The following PLPPR1 variants were observed in gnomAD, a reference collection of about 807,000 sequenced individuals.
PLPPR1 encodes phospholipid phosphatase-related protein type 1.
PLPPR1 carries 10 observed loss-of-function variants against 33.1 expected under a neutral mutation model. That is an observed-to-expected ratio of 0.30 (90% CI 0.19 to 0.51). PLPPR1 has a LOEUF of 0.51. Ranked by LOEUF, PLPPR1 falls within the 20% of genes least tolerant of loss-of-function variation. The probability of loss-of-function intolerance (pLI) is 0.97; values close to 1 mark genes in which losing one functional copy is unlikely to be tolerated. For missense variants in PLPPR1, 304 were observed against 408.1 expected (o/e 0.74, Z 2.20); for synonymous variants, 151 against 151.0 (o/e 1.00, Z 0.00).
At chr9:101,270,622 A>G (rs980563997) in intron 3 of PLPPR1, among the ~76,000 whole-genome samples, 1 of 152,142 alleles carries the variant, frequency 6.6e-6, no homozygotes, top group Non-Finnish European at 1.5e-5. Context: ...TTGCAACTTT[A>G]CCTTCATATA....
chr9:101,042,926 T>G (rs1830093413), intron 1 of PLPPR1, among the ~76,000 whole-genome samples: 1 of 152,254 alleles, frequency 6.6e-6, no homozygotes, highest in South Asian at 2.1e-4. Context: ...CCCTTTGCAT[T>G]TTTTTCCATA....
At position 101,205,166 on chromosome 9, in the gene PLPPR1, C is replaced by T. The variant is rs139773497; in HGVS notation, c.63+19609C>T. Among the ~76,000 whole-genome samples, 377 of 152,204 alleles carry T rather than the reference C, an allele frequency of 2.5e-3. 2 individuals are homozygous for T. The highest frequency in any genetic ancestry group is 8.8e-3 in the African/African-American group (365 of 41,548). ...CAGGTATCTTACTCTACCCTGAAGG[C>T]ATTAGAGCAGTGGTTTTAAAACTTC... On this transcript the variant is annotated intron_variant, in intron 2 of 7. Coordinates refer to ENST00000374874, the MANE Select transcript of PLPPR1 (RefSeq NM_207299.2).
chr9:101,034,064 C>T (rs142604556), intron 1 of PLPPR1, among the ~76,000 whole-genome samples: 343 of 151,492 alleles, frequency 2.3e-3, no homozygotes, highest in Non-Finnish European at 3.5e-3. Context: ...AAAAAACGTG[C>T]AATGCGTAAC....
At chr9:101,114,687 G>T (rs1436896423) in intron 1 of PLPPR1, among the ~76,000 whole-genome samples, 1 of 152,042 alleles carries the variant, frequency 6.6e-6, no homozygotes, top group Non-Finnish European at 1.5e-5. Flanking sequence ...CAGTGGAAAA[G>T]GGATTTGAAC....
chr9:101,273,496 A>G (rs1378446885), intron 3 of PLPPR1, among the ~76,000 whole-genome samples: 1 of 152,172 alleles, frequency 6.6e-6, no homozygotes, highest in Non-Finnish European at 1.5e-5. Flanking sequence ...CTGCTGGACC[A>G]CTGCAAGGAC....
intron 1 of PLPPR1, among the ~76,000 whole-genome samples, chr9:101,161,298 A>G (rs1314489821): frequency 6.6e-6 from 1 of 152,186 alleles, no homozygotes; most frequent in Admixed American, 6.6e-5. Flanking sequence ...AAGAATATGG[A>G]CACACATTAA....
intron 3 of PLPPR1, among the ~76,000 whole-genome samples, chr9:101,279,738 GAAGTT>G (rs1236415644): frequency 1.3e-5 from 2 of 152,040 alleles, no homozygotes; most frequent in Non-Finnish European, 2.9e-5. Context: ...GAATAAGAAA[GAAGTT>G]AAGAAATATT....
At position 101,064,791 on chromosome 9, in the gene PLPPR1, G is replaced by A. The variant is rs138432419; in HGVS notation, c.-46+35689G>A. On this transcript the variant is annotated intron_variant, in intron 1 of 7. Coordinates refer to ENST00000374874, the MANE Select transcript of PLPPR1 (RefSeq NM_207299.2). ...CGCATCTGATGAGGGCCTTCTTTCCGATGGGGACTCTGCAGAGTTTTGAGG... is the reference window on the plus strand; with the variant it reads ...CGCATCTGATGAGGGCCTTCTTTCCAATGGGGACTCTGCAGAGTTTTGAGG... Among the ~76,000 whole-genome samples, 56 of 152,116 alleles carry A rather than the reference G, an allele frequency of 3.7e-4. 1 individual carries two copies. The highest frequency in any genetic ancestry group is 1.3e-3 in the African/African-American group (52 of 41,528).
intron 1 of PLPPR1, among the ~76,000 whole-genome samples, chr9:101,086,470 G>A (rs565395553): frequency 6.6e-6 from 1 of 152,302 alleles, no homozygotes; most frequent in South Asian, 2.1e-4. Context: ...TCTACCCCAT[G>A]AAGGGTGTGT....
chr9:101,281,285 AT>A (rs2118909618), intron 3 of PLPPR1, among the ~76,000 whole-genome samples: 1 of 152,226 alleles, frequency 6.6e-6, no homozygotes, highest in East Asian at 1.9e-4. Context: ...ATTAAAAGAC[AT>A]TTCATGTTTG....
chr9:101,282,788 C>T (rs182690542), intron 3 of PLPPR1, among the ~76,000 whole-genome samples: 32 of 151,928 alleles, frequency 2.1e-4, no homozygotes, highest in African/African-American at 7.7e-4. Flanking sequence ...AAATAATAAT[C>T]CTATTTATAA....
rs1831196494 is a variant in PLPPR1, at chr9:101,123,098, A to G, written c.-45-62352A>G. Among the ~76,000 whole-genome samples the G allele has an allele frequency of 1.3e-5, 2 of 152,178 alleles. 1 individual carries two copies. Among genetic ancestry groups the G allele is most frequent in the South Asian group, 4.1e-4 (2 of 4,832 alleles). On this transcript the variant is annotated intron_variant, in intron 1 of 7. Transcript: ENST00000374874. ...CTTTGTTATAGATGGTTCTCCCTATAAGCCATATCAATATATCTCTATATT... is the reference window on the plus strand; with the variant it reads ...CTTTGTTATAGATGGTTCTCCCTATGAGCCATATCAATATATCTCTATATT...
chr9:101,266,492 C>A (rs577233789), intron 2 of PLPPR1, among the ~76,000 whole-genome samples: 2 of 152,020 alleles, frequency 1.3e-5, no homozygotes, highest in Non-Finnish European at 2.9e-5. Context: ...AGAGCCAAGG[C>A]AAGCCAATTC....
At chr9:101,042,757 T>C (rs1830090982) in intron 1 of PLPPR1, among the ~76,000 whole-genome samples, 1 of 152,228 alleles carries the variant, frequency 6.6e-6, no homozygotes, top group South Asian at 2.1e-4. Context: ...TAAATGAGAA[T>C]GATTTAAACA....
At chr9:101,065,677 A>G (rs1830403563) in intron 1 of PLPPR1, among the ~76,000 whole-genome samples, 1 of 152,118 alleles carries the variant, frequency 6.6e-6, no homozygotes, top group Non-Finnish European at 1.5e-5. Flanking sequence ...AAACTGTTAG[A>G]TTACTCCAAG....
At chr9:101,309,536 T>A in intron 5 of PLPPR1, 75 bp downstream of exon 5, 1 of 1,508,734 alleles carries the variant, frequency 6.6e-7, no homozygotes, top group Admixed American at 1.9e-5. Flanking sequence ...GTCTCCATTC[T>A]TTCATTGTCA....
At chr9:101,078,117 A>AAGGAGAAGGAGG (rs1564138158) in intron 1 of PLPPR1, among the ~76,000 whole-genome samples, 1 of 7,442 alleles carries the variant, frequency 1.3e-4, no homozygotes, top group Non-Finnish European at 2.4e-4. Flanking sequence ...GAAGAAGAAG[A>AAGGAGAAGGAGG]AGAAGAAGAA....
intron 6 of PLPPR1, among the ~76,000 whole-genome samples, chr9:101,316,290 A>G (rs1236665839): frequency 2.0e-5 from 3 of 152,034 alleles, no homozygotes; most frequent in African/African-American, 4.8e-5. Flanking sequence ...ACAAAAAAGT[A>G]GCCAGGCGTG....
At chr9:101,301,189 T>C (rs1828745408) in intron 4 of PLPPR1, among the ~76,000 whole-genome samples, 2 of 152,370 alleles carry the variant, frequency 1.3e-5, no homozygotes, top group Non-Finnish European at 2.9e-5. Flanking sequence ...TATTTTTTTC[T>C]AAACCACCAG....
Sources: allele counts gnomAD v4.1 joint callset (sites outside exome capture counted in the v4.1 genomes callset), GRCh38; gene constraint gnomAD v4.1.1; transcripts MANE v1.5; gene names NCBI Gene and HGNC (gene_info 2026-07-23, HGNC 2026-07-21).